The following PDE4D variants were observed in gnomAD, a reference collection of about 807,000 sequenced individuals.
PDE4D encodes phosphodiesterase 4D.
PDE4D carries 24 observed loss-of-function variants against 87.4 expected under a neutral mutation model. The observed-to-expected ratio is 0.27, with a 90% confidence interval of 0.20 to 0.39. The LOEUF (loss-of-function observed/expected upper bound fraction) is 0.39. PDE4D is among the 10% of genes least tolerant of loss of function. PDE4D has a pLI of 1.00. For synonymous variants in PDE4D, 384 were observed against 383.2 expected (o/e 1.00, Z -0.02); for missense variants, 714 against 1,041.0 (o/e 0.69, Z 4.32).
intron 2 of PDE4D, among the ~76,000 whole-genome samples, chr5:60,104,483 C>T (rs1482025448): frequency 6.6e-6 from 1 of 152,224 alleles, no homozygotes; most frequent in Non-Finnish European, 1.5e-5. Context: ...TTAAATGTCC[C>T]TGTCTGACAG....
chr5:59,971,477 A>G (rs947329445), intron 3 of PDE4D, among the ~76,000 whole-genome samples: 1 of 152,168 alleles, frequency 6.6e-6, no homozygotes, highest in African/African-American at 2.4e-5. Context: ...TATTCTCCAG[A>G]GGGAAGAGAC....
intron 1 of PDE4D, among the ~76,000 whole-genome samples, chr5:59,483,565 A>G (rs542507167): frequency 6.6e-5 from 10 of 152,298 alleles, no homozygotes; most frequent in African/African-American, 2.4e-4. Flanking sequence ...AGCTACCAGC[A>G]GAACTATATC....
intron 1 of PDE4D, among the ~76,000 whole-genome samples, chr5:59,660,612 T>G (rs1745081639): frequency 6.6e-6 from 1 of 152,166 alleles, no homozygotes; most frequent in Non-Finnish European, 1.5e-5. Context: ...TATAAGGCTT[T>G]GTTTTCAAGG....
intron 1 of PDE4D, among the ~76,000 whole-genome samples, chr5:59,780,521 A>G (rs1373952794): frequency 6.6e-6 from 1 of 152,200 alleles, no homozygotes; most frequent in Non-Finnish European, 1.5e-5. Flanking sequence ...TTCTGGCACT[A>G]CTCAGTAAAA....
chr5:59,035,263 C>T (rs1478762801), intron 6 of PDE4D, among the ~76,000 whole-genome samples: 1 of 152,174 alleles, frequency 6.6e-6, no homozygotes, highest in Non-Finnish European at 1.5e-5. Flanking sequence ...AGGAAAAGTA[C>T]TTAGTTAGCT....
intron 1 of PDE4D, among the ~76,000 whole-genome samples, chr5:59,287,829 G>A (rs1164566710): frequency 6.6e-6 from 1 of 152,126 alleles, no homozygotes; most frequent in Non-Finnish European, 1.5e-5. Context: ...GTAATCCAGA[G>A]AATGACTCTG....
At chr5:58,977,962 TCA>T (rs1360228731) in intron 11 of PDE4D, among the ~76,000 whole-genome samples, 1 of 152,190 alleles carries the variant, frequency 6.6e-6, no homozygotes, top group Non-Finnish European at 1.5e-5. Flanking sequence ...GCTCACAGCT[TCA>T]CAGTGATGTT....
intron 1 of PDE4D, among the ~76,000 whole-genome samples, chr5:59,571,435 C>A (rs1353273501): frequency 6.6e-6 from 1 of 152,234 alleles, no homozygotes; most frequent in African/African-American, 2.4e-5. Flanking sequence ...CCCAAATTAC[C>A]CAAAGGAGCT....
At chr5:60,103,321 T>A (rs1016869372) in intron 2 of PDE4D, among the ~76,000 whole-genome samples, 2 of 152,122 alleles carry the variant, frequency 1.3e-5, no homozygotes, top group African/African-American at 4.8e-5. Context: ...AGTAGGAATA[T>A]CAAACTTCTG....
At chr5:59,770,322 T>G (rs1003656834) in intron 1 of PDE4D, among the ~76,000 whole-genome samples, 1 of 152,086 alleles carries the variant, frequency 6.6e-6, no homozygotes, top group African/African-American at 2.4e-5. Context: ...ATGCTTGCCC[T>G]CAAGGAGCTT....
In PDE4D at chr5:59,655,680, T is replaced by G. The variant is rs57560921; in HGVS notation, c.455+237488A>C. Reference sequence around the variant, plus strand: ...TTTAGCTTCTGTCTCTGTTGATAAGTGGAAAAGAGGGATGAGGAAGGAGCT... The same window carrying G: ...TTTAGCTTCTGTCTCTGTTGATAAGGGGAAAAGAGGGATGAGGAAGGAGCT... On this transcript the variant is annotated intron_variant, in intron 1 of 14. Coordinates refer to ENST00000340635, the MANE Select transcript of PDE4D (RefSeq NM_001104631.2). Among the ~76,000 whole-genome samples, 4 of 152,204 alleles carry G rather than the reference T, an allele frequency of 2.6e-5. No individual in the cohort carries two copies. The East Asian group carries it at 5.8e-4, about 22-fold the overall frequency.
At chr5:59,056,659 C>T (rs78114936) in intron 5 of PDE4D, among the ~76,000 whole-genome samples, 1 of 151,920 alleles carries the variant, frequency 6.6e-6, no homozygotes, top group Non-Finnish European at 1.5e-5. Flanking sequence ...TCCATGTGTT[C>T]TCATTGTTCA....
intron 1 of PDE4D, among the ~76,000 whole-genome samples, chr5:59,471,699 G>C (rs1267752017): frequency 6.6e-6 from 1 of 152,132 alleles, no homozygotes; most frequent in East Asian, 1.9e-4. Context: ...TCACCCAAAG[G>C]GAAGGTCGTT....
At chr5:59,652,199 TC>T (rs1339292488) in intron 1 of PDE4D, among the ~76,000 whole-genome samples, 6 of 152,162 alleles carry the variant, frequency 3.9e-5, no homozygotes, top group African/African-American at 1.4e-4. Flanking sequence ...CATCTCTTCT[TC>T]CTCAGAGGCA....
intron 4 of PDE4D, among the ~76,000 whole-genome samples, chr5:59,183,501 T>G (rs796579815): frequency 6.6e-6 from 1 of 152,176 alleles, no homozygotes; most frequent in African/African-American, 2.4e-5. Context: ...GGTGACCACA[T>G]GTAAAGGAAG....
At chr5:59,775,297 C>T (rs1046805736) in intron 1 of PDE4D, among the ~76,000 whole-genome samples, 3 of 152,020 alleles carry the variant, frequency 2.0e-5, no homozygotes, top group African/African-American at 7.2e-5. Context: ...TTGTCAACAA[C>T]AACAACAACA....
intron 1 of PDE4D, among the ~76,000 whole-genome samples, chr5:60,395,331 T>C (rs1276426058): frequency 1.3e-5 from 2 of 152,118 alleles, no homozygotes; most frequent in Admixed American, 6.5e-5. Context: ...GAAACTTGAC[T>C]GCTATTATTT....
At chr5:60,015,486 C>T (rs1220160760) in intron 2 of PDE4D, among the ~76,000 whole-genome samples, 1 of 152,162 alleles carries the variant, frequency 6.6e-6, no homozygotes. Flanking sequence ...CCTGGGAAGC[C>T]AGCTGCTATG....
intron 1 of PDE4D, among the ~76,000 whole-genome samples, chr5:59,809,273 A>G (rs1359284152): frequency 6.6e-6 from 1 of 152,190 alleles, no homozygotes; most frequent in Non-Finnish European, 1.5e-5. Flanking sequence ...TTTCAAAATT[A>G]TTAAGGAAAA....
Sources: allele counts gnomAD v4.1 joint callset (sites outside exome capture counted in the v4.1 genomes callset), GRCh38; gene constraint gnomAD v4.1.1; transcripts MANE v1.5; gene names NCBI Gene and HGNC (gene_info 2026-07-23, HGNC 2026-07-21).